Variants in NDUFC2 observed in about 807,000 individuals in gnomAD.
NDUFC2 encodes NADH:ubiquinone oxidoreductase subunit C2.
Under a neutral mutation model 10.1 loss-of-function variants are expected in NDUFC2, and 2 were observed. The observed-to-expected ratio is 0.20, with a 90% CI of 0.08 to 0.62. The LOEUF (loss-of-function observed/expected upper bound fraction) is 0.62. Ranked by LOEUF, NDUFC2 falls within the 20% of genes least tolerant of loss-of-function variation. The pLI is 0.87. For synonymous variants in NDUFC2, 61 were observed against 63.6 expected (o/e 0.96, Z 0.20); for missense variants, 156 against 159.6 (o/e 0.98, Z 0.12).
chr11:78,077,732 T>A (rs1207602114), intron 1 of NDUFC2, among the ~76,000 whole-genome samples: 2 of 152,084 alleles, frequency 1.3e-5, no homozygotes, highest in Admixed American at 6.6e-5. Context: ...ATTTTTTAAA[T>A]TTTTTTGTAG....
At chr11:78,076,478 A>T (rs1859258646) in intron 1 of NDUFC2, among the ~76,000 whole-genome samples, 1 of 152,218 alleles carries the variant, frequency 6.6e-6, no homozygotes, top group Non-Finnish European at 1.5e-5. Context: ...TATAGATATT[A>T]GACACTGAGC....
intron 1 of NDUFC2, among the ~76,000 whole-genome samples, chr11:78,079,232 G>A (rs983301850): frequency 3.3e-5 from 5 of 152,026 alleles, no homozygotes; most frequent in African/African-American, 9.7e-5. Flanking sequence ...AGTGTTTTAA[G>A]GCCGAAATGC....
intron 2 of NDUFC2, among the ~76,000 whole-genome samples, chr11:78,071,402 A>T (rs570768119): frequency 6.6e-6 from 1 of 152,190 alleles, no homozygotes; most frequent in Admixed American, 6.6e-5. Flanking sequence ...GTCTATAGGC[A>T]TGTGCCACCT....
chr11:78,079,677 G>C lies in NDUFC2; in HGVS notation c.68C>G (p.Pro23Arg). Residue 23 changes from proline to arginine, a missense_variant, in exon 1 of 3, where the codon CCC becomes CGC. Coordinates refer to ENST00000281031, the MANE Select transcript of NDUFC2 (RefSeq NM_004549.6). ...LPDEARSLPPPKLTDPRLLYI... is the reference protein window; with the variant it reads ...LPDEARSLPPRKLTDPRLLYI... ...GAGGAGCCGCGGGTCGGTCAGCTTG[G>C]GCGGGGGCAGGCTCCGGGCCTCATC... 1.2e-6 allele frequency: 2 copies of C among 1,609,560 alleles called. No individual in the cohort carries two copies. Among genetic ancestry groups the C allele is most frequent in the Admixed American group, 3.4e-5 (2 of 59,404 alleles).
intron 1 of NDUFC2, 44 bp downstream of exon 1, chr11:78,079,535 C>A (rs1277785014): frequency 9.7e-6 from 15 of 1,542,238 alleles, no homozygotes; most frequent in South Asian, 1.2e-5. Flanking sequence ...TGCAGCCCTA[C>A]GACCCCTTCT....
chr11:78,079,050 C>G (rs935564018), intron 1 of NDUFC2, among the ~76,000 whole-genome samples: 1 of 149,692 alleles, frequency 6.7e-6, no homozygotes, highest in Non-Finnish European at 1.5e-5. Context: ...TAACAAGACA[C>G]CTATGCTATT....
chr11:78,078,739 T>C (rs572145842), intron 1 of NDUFC2, among the ~76,000 whole-genome samples: 5 of 137,094 alleles, frequency 3.6e-5, no homozygotes, highest in African/African-American at 1.4e-4. Flanking sequence ...TTTTTTTTTT[T>C]TTTTGAGACA....
intron 1 of NDUFC2, among the ~76,000 whole-genome samples, chr11:78,076,940 G>C (rs1193948300): frequency 6.6e-6 from 1 of 152,160 alleles, no homozygotes; most frequent in Non-Finnish European, 1.5e-5. Context: ...GCAACAGGCT[G>C]TTTACCTGTT....
chr11:78,074,396 T>C (rs1231341377), intron 1 of NDUFC2, among the ~76,000 whole-genome samples: 1 of 151,988 alleles, frequency 6.6e-6, no homozygotes, highest in Non-Finnish European at 1.5e-5. Flanking sequence ...GTGGATCACC[T>C]GAGGTCAGGA....
chr11:78,076,588 G>T (rs527592272), intron 1 of NDUFC2, among the ~76,000 whole-genome samples: 16 of 152,262 alleles, frequency 1.1e-4, no homozygotes, highest in Middle Eastern at 6.8e-3. Flanking sequence ...GGAAGCTCTG[G>T]GAACTCAGGA....
chr11:78,071,557 C>T (rs1204348632), intron 2 of NDUFC2, among the ~76,000 whole-genome samples: 1 of 152,076 alleles, frequency 6.6e-6, no homozygotes, highest in East Asian at 1.9e-4. Context: ...TGCCAAACCC[C>T]TGGGGAAACC....
rs1340786960 is a variant in NDUFC2 at position 78,068,564 on chromosome 11, A to C, written c.*1423T>G. On this transcript the variant is annotated 3_prime_UTR_variant, in exon 3 of 3. Transcript: ENST00000281031. Reference sequence around the variant, plus strand: ...CACTTTGGAAGGCCAAGGCAGGTGGATCACAAGGTCAAGAGATTGAGACCA... The same window carrying C: ...CACTTTGGAAGGCCAAGGCAGGTGGCTCACAAGGTCAAGAGATTGAGACCA... The C allele has an allele frequency of 6.6e-6, 1 of 152,196 alleles. No individual in the cohort carries two copies. The highest frequency in any genetic ancestry group is 1.9e-4 in the East Asian group (1 of 5,190). 9.4% of individuals were successfully genotyped at this position (152,196 alleles called of 1,614,324 possible). A position where few individuals can be genotyped will look rare whatever the true frequency, so the allele number is the denominator to read the frequency against.
At chr11:78,072,464 C>T (rs889833622) in intron 2 of NDUFC2, among the ~76,000 whole-genome samples, 3 of 152,200 alleles carry the variant, frequency 2.0e-5, no homozygotes, top group African/African-American at 7.2e-5. Context: ...AGGCGTGAGC[C>T]ACTGCGACCA....
chr11:78,075,249 G>A (rs905538492), intron 1 of NDUFC2, among the ~76,000 whole-genome samples: 1 of 152,174 alleles, frequency 6.6e-6, no homozygotes, highest in African/African-American at 2.4e-5. Context: ...AAAAACAGAT[G>A]ATGAGAGAAA....
chr11:78,072,857 T>A (rs1590779024), intron 2 of NDUFC2, 141 bp downstream of exon 2: 1 of 1,199,870 alleles, frequency 8.3e-7, no homozygotes, highest in Non-Finnish European at 1.1e-6. Context: ...ATATATTAAT[T>A]CAAGAGAATT....
At chr11:78,073,732 G>A (rs1859118987) in intron 1 of NDUFC2, among the ~76,000 whole-genome samples, 1 of 149,278 alleles carries the variant, frequency 6.7e-6, no homozygotes, top group South Asian at 2.1e-4. Context: ...AACCCGGGAG[G>A]CAGAGGTTGC....
Position 78,079,857 on chromosome 11 carries a change from G to A in NDUFC2, c.-113C>T, listed in dbSNP as rs917873820. On this transcript the variant is annotated 5_prime_UTR_variant, in exon 1 of 3. Transcript: ENST00000281031. The stretch of plus-strand genomic sequence containing the variant: ...GCTTTCTCCTCCTCCTCTGCGCGCC[G>A]GACTCACGGGCACGGCGCAGCGCGG... The A allele has an allele frequency of 2.1e-6, 3 of 1,421,548 alleles. No homozygotes were observed. The highest frequency in any genetic ancestry group is 1.4e-5 in the South Asian group (1 of 71,018). 88.1% of individuals were successfully genotyped at this position (1,421,548 alleles called of 1,614,324 possible).
At chr11:78,072,742 T>C (rs1859061385) in intron 2 of NDUFC2, 2 of 550,436 alleles carry the variant, frequency 3.6e-6, no homozygotes, top group African/African-American at 3.8e-5. Flanking sequence ...TGGACAGTAG[T>C]GCCATTCTCT....
chr11:78,077,325 T>A (rs898912509), intron 1 of NDUFC2, among the ~76,000 whole-genome samples: 1 of 151,926 alleles, frequency 6.6e-6, no homozygotes, highest in African/African-American at 2.4e-5. Flanking sequence ...AATGAACAAT[T>A]TACAAATATA....
Sources: gnomAD v4.1 joint callset for allele counts (sites outside exome capture counted in the v4.1 genomes callset) on GRCh38, gnomAD v4.1.1 for gene constraint, MANE v1.5 for transcripts, NCBI Gene and HGNC (gene_info 2026-07-23, HGNC 2026-07-21) for gene names.